GOLGA5: variants seen among roughly 807,000 people sequenced by gnomAD.
GOLGA5 encodes the protein golgin A5.
Under a neutral mutation model 93.5 loss-of-function variants are expected in GOLGA5, and 50 were observed. The observed-to-expected ratio is 0.53, with a 90% CI of 0.43 to 0.68. GOLGA5 has a LOEUF of 0.68. Ranked by LOEUF, GOLGA5 falls within the 30% of genes least tolerant of loss-of-function variation. The pLI, the probability that GOLGA5 is intolerant of heterozygous loss-of-function variation, is 0.00. For synonymous variants in GOLGA5, 312 were observed against 304.5 expected, an observed-to-expected ratio of 1.02 and a Z score of -0.26; for missense variants, 760 against 856.4, an observed-to-expected ratio of 0.89 and a Z score of 1.40.
At chr14:92,825,686 C>A (rs1885403175) in intron 9 of GOLGA5, among the ~76,000 whole-genome samples, 1 of 151,954 alleles carries the variant, frequency 6.6e-6, no homozygotes, top group African/African-American at 2.4e-5. Context: ...CATAGTGAGA[C>A]CTTGTCTCTA....
intron 7 of GOLGA5, among the ~76,000 whole-genome samples, chr14:92,816,972 G>A (rs955104119): frequency 1.3e-5 from 2 of 150,698 alleles, no homozygotes; most frequent in African/African-American, 4.9e-5. Context: ...GTCTCGGTCT[G>A]TTGCCCAGGC....
intron 9 of GOLGA5, among the ~76,000 whole-genome samples, chr14:92,832,471 GA>G (rs1267519372): frequency 2.0e-5 from 3 of 152,196 alleles, no homozygotes; most frequent in African/African-American, 4.8e-5. Flanking sequence ...AAGATGGAAT[GA>G]AGGAAGTCGT....
intron 9 of GOLGA5, among the ~76,000 whole-genome samples, chr14:92,832,287 A>G (rs1055580890): frequency 1.3e-5 from 2 of 152,124 alleles, no homozygotes; most frequent in African/African-American, 4.8e-5. Context: ...TCTGGTAGTT[A>G]TTTGTTGTGG....
intron 9 of GOLGA5, among the ~76,000 whole-genome samples, chr14:92,832,095 C>T (rs373540467): frequency 8.5e-5 from 13 of 152,226 alleles, no homozygotes; most frequent in South Asian, 2.1e-4. Context: ...ACAGCGTTAT[C>T]GGAGTGACTG....
At chr14:92,804,667 T>A (rs1884944752) in intron 2 of GOLGA5, among the ~76,000 whole-genome samples, 1 of 131,296 alleles carries the variant, frequency 7.6e-6, no homozygotes, top group African/African-American at 2.9e-5. Flanking sequence ...TTTTTTTTTT[T>A]TTTTTTTGAG....
At position 92,838,982 on chromosome 14, in the gene GOLGA5, A is replaced by G. The variant is rs79792489; in HGVS notation, c.2116-384A>G. Among the ~76,000 whole-genome samples the G allele has an allele frequency of 4.3e-3, 651 of 152,320 alleles. 14 individuals carry two copies. The South Asian group carries it at 0.062, about 14-fold the overall frequency. ...TTATTTCTGTCTAGAATATTTTCCC[A>G]TCTCTTCTTCACCGAACATTGGTTA... On this transcript the variant is annotated intron_variant, in intron 12 of 12. Coordinates refer to ENST00000163416, the MANE Select transcript of GOLGA5 (RefSeq NM_005113.4).
At chr14:92,808,949 AC>A (rs1885048322) in intron 3 of GOLGA5, among the ~76,000 whole-genome samples, 1 of 152,128 alleles carries the variant, frequency 6.6e-6, no homozygotes, top group Admixed American at 6.6e-5. Flanking sequence ...ACTAGGATGT[AC>A]CTTTGATTTG....
Position 92,839,899 on chromosome 14 carries a change from G to A in GOLGA5, c.*453G>A. ...TTTACTTTGTACATGTTACAGGCTT[G>A]ATTGGTGTAAATCTTTTTATAAATA... On this transcript the variant is annotated 3_prime_UTR_variant, in exon 13 of 13. Transcript: ENST00000163416. 5.6e-6 allele frequency: 1 copy of A among 179,410 alleles called. No homozygotes were observed. The allele number at this position is 179,410 out of a possible 1,614,324, so 11.1% of individuals were successfully genotyped here. A position where few individuals can be genotyped will look rare whatever the true frequency, so the allele number is the denominator to read the frequency against.
Position 92,809,307 on chromosome 14 carries a change from C to T in GOLGA5, c.780C>T (p.Asn260=), listed in dbSNP as rs1437602402. 6.2e-7 allele frequency: 1 copy of T among 1,606,800 alleles called. No homozygotes were observed. The highest frequency in any genetic ancestry group is 8.5e-7 in the Non-Finnish European group (1 of 1,173,594). Residue 260 remains asparagine, a synonymous_variant, in exon 4 of 13, where the codon AAC becomes AAT. Transcript: ENST00000163416. ...ATTTAAATTTTTTAATAGAATTAAA[C>T]AAAGCAAGAGCAAGAGTTGAAAAGT... ...QRSKETQEEL[N]KARARVEKWN...
chr14:92,833,218 G>T lies in GOLGA5; in HGVS notation c.1816G>T (p.Glu606Ter). The T allele has an allele frequency of 1.2e-6, 2 of 1,612,234 alleles. No homozygotes were observed. The highest frequency in any genetic ancestry group is 1.7e-6 in the Non-Finnish European group (2 of 1,178,280). ...ETLIQKQTML[E>*]SLSTEKNSLV... is the part of the protein sequence containing the mutation. The stretch of plus-strand genomic sequence containing the variant: ...TCTCATCCAGAAACAGACCATGCTG[G>T]AGAGTCTCAGCACAGAAAAGAACTC... Residue 606 changes from glutamate to a stop codon, truncating the protein, a stop_gained, in exon 10 of 13, where the codon GAG (glutamate) becomes TAG (stop). Coordinates refer to ENST00000163416, the MANE Select transcript of GOLGA5 (RefSeq NM_005113.4). LOFTEE classifies it high-confidence loss of function.
intron 3 of GOLGA5, among the ~76,000 whole-genome samples, chr14:92,808,572 G>A (rs1885038574): frequency 6.6e-6 from 1 of 152,006 alleles, no homozygotes; most frequent in Admixed American, 6.6e-5. Flanking sequence ...CTTGAGCCCA[G>A]GAGTTGGAGG....
Position 92,837,361 on chromosome 14 carries a change from CCCCCT to C in GOLGA5, c.2052-23_2052-19del. The stretch of plus-strand genomic sequence containing the variant: ...TGACTGTGACTCTTCTCTCTCCTCT[CCCCCT>C]CACACCTGTGTCTGCACAGTATTCG... On this transcript the variant is annotated intron_variant, in intron 11 of 12. Coordinates refer to ENST00000163416, the MANE Select transcript of GOLGA5 (RefSeq NM_005113.4). 1.6e-6 allele frequency: 2 copies of C among 1,221,838 alleles called. No individual in the cohort carries two copies. The highest frequency in any genetic ancestry group is 2.4e-6 in the Non-Finnish European group (2 of 837,848). The allele number at this position is 1,221,838 out of a possible 1,614,324, so 75.7% of individuals were successfully genotyped here.
chr14:92,831,961 T>C (rs1289789838), intron 9 of GOLGA5, among the ~76,000 whole-genome samples: 1 of 152,230 alleles, frequency 6.6e-6, no homozygotes, highest in Non-Finnish European at 1.5e-5. Flanking sequence ...CTAGGAAATG[T>C]CAGAGCTGGG....
intron 9 of GOLGA5, among the ~76,000 whole-genome samples, chr14:92,826,707 AAAAAG>A: frequency 6.6e-6 from 1 of 151,738 alleles, no homozygotes; most frequent in Non-Finnish European, 1.5e-5. Flanking sequence ...CAAAAAAAAA[AAAAAG>A]AAAAAAAAGA....
At chr14:92,796,375 A>G (rs2140308993) in intron 1 of GOLGA5, among the ~76,000 whole-genome samples, 1 of 152,308 alleles carries the variant, frequency 6.6e-6, no homozygotes, top group Middle Eastern at 3.4e-3. Context: ...AGTTCTGAAG[A>G]CTTGAAGTCC....
chr14:92,825,997 A>G (rs568757773), intron 9 of GOLGA5, among the ~76,000 whole-genome samples: 262 of 152,252 alleles, frequency 1.7e-3, no homozygotes, highest in Non-Finnish European at 1.9e-3. Context: ...CTCTAAAAAA[A>G]TATTTTTAAT....
chr14:92,794,862 A>AGG (rs1884685508), intron 1 of GOLGA5, among the ~76,000 whole-genome samples: 1 of 146,850 alleles, frequency 6.8e-6, no homozygotes, highest in Non-Finnish European at 1.5e-5. Flanking sequence ...GCCCTGCCGC[A>AGG]GCCCTTTGCA....
chr14:92,830,750 C>T (rs1328270259), intron 9 of GOLGA5, among the ~76,000 whole-genome samples: 2 of 152,046 alleles, frequency 1.3e-5, no homozygotes, highest in Admixed American at 1.3e-4. Flanking sequence ...CAGGCATGCA[C>T]CACCACACTC....
chr14:92,797,461 T>C lies in GOLGA5; in HGVS notation c.24T>C (p.Ala8=). 1 of 1,608,716 alleles carries C rather than the reference T, an allele frequency of 6.2e-7. No homozygotes were observed. The highest frequency in any genetic ancestry group is 8.5e-7 in the Non-Finnish European group (1 of 1,178,176). The change falls in exon 2 of 13, where the codon GCT becomes GCC. Residue 8 remains alanine, a synonymous_variant. Transcript: ENST00000163416. ...TCATGTCTTGGTTTGTTGATCTTGCTGGAAAGGCAGAAGATCTTTTAAACC... is the reference window on the plus strand; with the variant it reads ...TCATGTCTTGGTTTGTTGATCTTGCCGGAAAGGCAGAAGATCTTTTAAACC... MSWFVDL[A]GKAEDLLNRV... is the part of the protein sequence containing the mutation.
Sources: gnomAD v4.1 joint callset for allele counts (sites outside exome capture counted in the v4.1 genomes callset) on GRCh38, gnomAD v4.1.1 for gene constraint, MANE v1.5 for transcripts, NCBI Gene and HGNC (gene_info 2026-07-23, HGNC 2026-07-21) for gene names.